Variants in NF2 observed in about 807,000 individuals in gnomAD.
The protein encoded by NF2 is NF2, moesin-ezrin-radixin like (MERLIN) tumor suppressor.
Under a neutral mutation model 83.7 loss-of-function variants are expected in NF2, and 8 were observed. That is an observed-to-expected ratio of 0.10 (90% confidence interval 0.06 to 0.17). The LOEUF (loss-of-function observed/expected upper bound fraction) is 0.17, where lower values mean the gene tolerates loss of function less well. NF2 is among the 10% of genes least tolerant of loss of function. NF2 has a pLI of 1.00. For missense variants in NF2, 533 were observed against 744.4 expected (o/e 0.72, Z 3.31); for synonymous variants, 266 against 269.6 (o/e 0.99, Z 0.13).
chr22:29,683,096 G>A, intron 15 of NF2: 1 of 1,614,220 alleles, frequency 6.2e-7, no homozygotes, highest in African/African-American at 1.3e-5. Context: ...TCTATGTGGT[G>A]ATGGTGCTGC....
At chr22:29,604,261 G>T in intron 1 of NF2, 149 bp downstream of exon 1, 1 of 689,462 alleles carries the variant, frequency 1.5e-6, no homozygotes. Flanking sequence ...GATGATTGCT[G>T]CTTTTTTTCA....
At chr22:29,677,796 A>G (rs145406159) in intron 13 of NF2, among the ~76,000 whole-genome samples, 6 of 152,230 alleles carry the variant, frequency 3.9e-5, no homozygotes, top group Non-Finnish European at 8.8e-5. Flanking sequence ...TTTAACAGTG[A>G]TGATCTGTGA....
chr22:29,674,063 G>A (rs1409117545), intron 12 of NF2, among the ~76,000 whole-genome samples: 1 of 152,230 alleles, frequency 6.6e-6, no homozygotes, highest in Non-Finnish European at 1.5e-5. Context: ...GCAACCTTCA[G>A]ATAAACACTG....
At chr22:29,692,309 G>A (rs922137644) in intron 15 of NF2, among the ~76,000 whole-genome samples, 8 of 152,178 alleles carry the variant, frequency 5.3e-5, no homozygotes, top group African/African-American at 1.9e-4. Flanking sequence ...ACCTTTACTT[G>A]TGGCTGAGGC....
chr22:29,673,489 G>A lies in NF2; in HGVS notation c.1340+3G>A. ...ATGGCTGAGGAGTCAGAGAGGAGGT[G>A]AGGGGGCACCGGGCACCAGACTGGC... is the stretch of plus-strand genomic sequence containing the variant. On this transcript the variant is annotated splice_donor_region_variant and intron_variant, in intron 12 of 15. Coordinates refer to ENST00000338641, the MANE Select transcript of NF2 (RefSeq NM_000268.4). The A allele has an allele frequency of 6.2e-7, 1 of 1,605,152 alleles. No homozygotes were observed. The highest frequency in any genetic ancestry group is 8.5e-7 in the Non-Finnish European group (1 of 1,177,148).
At chr22:29,676,831 C>T (rs2066977403) in intron 13 of NF2, among the ~76,000 whole-genome samples, 1 of 151,948 alleles carries the variant, frequency 6.6e-6, no homozygotes, top group Non-Finnish European at 1.5e-5. Context: ...AGTGGTGCAG[C>T]AACTAGTACG....
At chr22:29,667,807 G>A (rs1453767608) in intron 9 of NF2, among the ~76,000 whole-genome samples, 2 of 151,626 alleles carry the variant, frequency 1.3e-5, no homozygotes, top group Non-Finnish European at 2.9e-5. Context: ...ATCACTTTTT[G>A]TGTCTTACTT....
chr22:29,673,384 A>G lies in NF2; in HGVS notation c.1238A>G (p.Lys413Arg). The G allele has an allele frequency of 6.2e-7, 1 of 1,611,862 alleles. No homozygotes were observed. Among genetic ancestry groups the G allele is most frequent in the Non-Finnish European group, 8.5e-7 (1 of 1,179,332 alleles). ...GCTGAGCAGGAAATGCAGCGCATCA[A>G]GGCCACAGCGATTCGCACGGAGGAG... ...AEAEQEMQRI[K>R]ATAIRTEEEK... Residue 413 changes from lysine to arginine, a missense_variant, in exon 12 of 16, where the codon AAG (lysine) becomes AGG (arginine). Physicochemically the swap from Lys to Arg is conservative, Grantham distance 26. Transcript: ENST00000338641.
In NF2 at chr22:29,681,901, G is replaced by T. The variant is rs139341275; in HGVS notation, c.1737+300G>T. The stretch of plus-strand genomic sequence containing the variant: ...AAGCATAATGCCCTTTTAAGCCAAG[G>T]GGTGTTATACCCAGGGAGCTGCCTT... On this transcript the variant is annotated intron_variant, in intron 15 of 15. Coordinates refer to ENST00000338641, the MANE Select transcript of NF2 (RefSeq NM_000268.4). Among the ~76,000 whole-genome samples, 509 of 152,260 alleles carry T rather than the reference G, an allele frequency of 3.3e-3. 1 individual carries two copies. Among genetic ancestry groups the T allele is most frequent in the African/African-American group, 0.012 (479 of 41,536 alleles).
At chr22:29,624,318 G>T (rs906149905) in intron 1 of NF2, among the ~76,000 whole-genome samples, 1 of 151,906 alleles carries the variant, frequency 6.6e-6, no homozygotes, top group Non-Finnish European at 1.5e-5. Flanking sequence ...AGCGATTCTC[G>T]TGCCTCAGCC....
chr22:29,683,080 G>T (rs1458525427), intron 15 of NF2: 1 of 1,614,198 alleles, frequency 6.2e-7, no homozygotes, highest in East Asian at 2.2e-5. Flanking sequence ...TTGTTCCCAG[G>T]TACTCTCTAT....
At chr22:29,672,059 T>C in intron 11 of NF2, 111 bp downstream of exon 11, 3 of 1,479,312 alleles carry the variant, frequency 2.0e-6, no homozygotes, top group Non-Finnish European at 2.8e-6. Context: ...TTGAAATACT[T>C]AATTTCAGCT....
intron 4 of NF2, among the ~76,000 whole-genome samples, chr22:29,653,674 C>T (rs2066219100): frequency 6.6e-6 from 1 of 152,098 alleles, no homozygotes; most frequent in South Asian, 2.1e-4. Flanking sequence ...GGAGAACACA[C>T]CAGAAGTCTT....
chr22:29,677,704 TCTC>T (rs1280513570), intron 13 of NF2, among the ~76,000 whole-genome samples: 1 of 152,180 alleles, frequency 6.6e-6, no homozygotes, highest in Non-Finnish European at 1.5e-5. Flanking sequence ...CGGCAGACCT[TCTC>T]CTGGCACTGC....
chr22:29,684,876 C>G (rs1166968962), intron 15 of NF2, among the ~76,000 whole-genome samples: 1 of 152,018 alleles, frequency 6.6e-6, no homozygotes, highest in Non-Finnish European at 1.5e-5. Context: ...GTGACCGGGA[C>G]TGATGAGCAG....
chr22:29,683,300 G>A, intron 15 of NF2: 1 of 1,437,448 alleles, frequency 7.0e-7, no homozygotes, highest in Non-Finnish European at 9.1e-7. Context: ...CATGTCATGG[G>A]GCTGTAGGAC....
At chr22:29,687,097 A>T (rs1426984624) in intron 15 of NF2, among the ~76,000 whole-genome samples, 2 of 152,116 alleles carry the variant, frequency 1.3e-5, no homozygotes, top group Non-Finnish European at 2.9e-5. Context: ...ATCGCTTCTC[A>T]AGAGAGGGGT....
chr22:29,682,281 C>T (rs865932828), intron 15 of NF2, among the ~76,000 whole-genome samples: 1 of 152,070 alleles, frequency 6.6e-6, no homozygotes. Flanking sequence ...AGCCCAGGAC[C>T]AGGTTAACAC....
At chr22:29,669,937 A>C (rs1264046577) in intron 10 of NF2, among the ~76,000 whole-genome samples, 1 of 152,020 alleles carries the variant, frequency 6.6e-6, no homozygotes, top group Non-Finnish European at 1.5e-5. Flanking sequence ...TGTGAATAGG[A>C]GGTCTTTTAT....
Sources: allele counts gnomAD v4.1 joint callset (sites outside exome capture counted in the v4.1 genomes callset), GRCh38; gene constraint gnomAD v4.1.1; transcripts MANE v1.5; gene names NCBI Gene and HGNC (gene_info 2026-07-23, HGNC 2026-07-21).